RBFOX1: variants seen among roughly 807,000 people sequenced by gnomAD.
The protein encoded by RBFOX1 is RNA binding protein fox-1 homolog 1.
A neutral mutation model predicts 57.7 loss-of-function variants in RBFOX1; 8 were observed. The ratio of observed to expected loss-of-function variants is 0.14; its 90% CI spans 0.08 to 0.25. RBFOX1 has a LOEUF of 0.25. Among genes scored for constraint, RBFOX1 ranks in the 10% least tolerant of loss-of-function variants. RBFOX1 has a pLI of 1.00. For synonymous variants in RBFOX1, 326 were observed against 222.4 expected (o/e 1.47, Z -4.15); for missense variants, 611 against 548.5 (o/e 1.11, Z -1.14).
intron 4 of RBFOX1, among the ~76,000 whole-genome samples, chr16:7,315,507 T>A (rs1448420572): frequency 6.6e-6 from 1 of 150,434 alleles, no homozygotes; most frequent in African/African-American, 2.4e-5. Context: ...TGTGAAAGTT[T>A]TAGCTATCTG....
At chr16:5,573,730 G>A (rs1187679730) in intron 2 of RBFOX1, among the ~76,000 whole-genome samples, 1 of 152,150 alleles carries the variant, frequency 6.6e-6, no homozygotes, top group African/African-American at 2.4e-5. Flanking sequence ...GGGAGGCCGA[G>A]GTGGGAGGAT....
intron 1 of RBFOX1, among the ~76,000 whole-genome samples, chr16:5,262,651 C>G (rs2062763989): frequency 6.6e-6 from 1 of 152,150 alleles, no homozygotes; most frequent in East Asian, 1.9e-4. Flanking sequence ...TATCTCTCTG[C>G]TCTTTCTCTG....
chr16:6,328,958 A>G (rs1335070567), intron 2 of RBFOX1, among the ~76,000 whole-genome samples: 1 of 152,174 alleles, frequency 6.6e-6, no homozygotes, highest in Non-Finnish European at 1.5e-5. Context: ...TCAGATGTCT[A>G]TGTGAAAGAA....
intron 14 of RBFOX1, among the ~76,000 whole-genome samples, chr16:7,704,454 G>A (rs1381314315): frequency 6.6e-6 from 1 of 152,158 alleles, no homozygotes; most frequent in African/African-American, 2.4e-5. Flanking sequence ...GAATGTGTCT[G>A]GGAGCAGCTG....
chr16:6,544,052 T>C (rs988019049), intron 2 of RBFOX1, among the ~76,000 whole-genome samples: 1 of 152,234 alleles, frequency 6.6e-6, no homozygotes, highest in African/African-American at 2.4e-5. Context: ...GATGCTCTTC[T>C]AGGTGTCTGT....
chr16:6,577,043 C>T (rs1003677434), intron 2 of RBFOX1: 1 of 152,172 alleles, frequency 6.6e-6, no homozygotes, highest in Non-Finnish European at 1.5e-5. Context: ...CAGGACTGTT[C>T]CCCCAAAACT....
chr16:5,437,653 T>A (rs943080820), intron 1 of RBFOX1, among the ~76,000 whole-genome samples: 4 of 152,178 alleles, frequency 2.6e-5, no homozygotes, highest in Admixed American at 2.6e-4. Context: ...TAAGACACAA[T>A]ATTACATATG....
At chr16:6,849,158 A>G (rs1031273843) in intron 3 of RBFOX1, among the ~76,000 whole-genome samples, 1 of 152,186 alleles carries the variant, frequency 6.6e-6, no homozygotes, top group Non-Finnish European at 1.5e-5. Context: ...AAAGGAACCA[A>G]GTAACTTGCT....
intron 2 of RBFOX1, among the ~76,000 whole-genome samples, chr16:6,327,121 T>C (rs1412765387): frequency 6.6e-6 from 1 of 152,166 alleles, no homozygotes; most frequent in Non-Finnish European, 1.5e-5. Flanking sequence ...CCTTCTCCAC[T>C]TTCCTCTGCA....
At chr16:6,505,642 T>G (rs999026906) in intron 2 of RBFOX1, among the ~76,000 whole-genome samples, 4 of 152,152 alleles carry the variant, frequency 2.6e-5, no homozygotes, top group Non-Finnish European at 2.9e-5. Flanking sequence ...CCTCAAGAAC[T>G]CTACTCATTT....
intron 4 of RBFOX1, among the ~76,000 whole-genome samples, chr16:7,472,508 T>C (rs886714867): frequency 5.3e-5 from 8 of 152,226 alleles, no homozygotes; most frequent in African/African-American, 1.7e-4. Context: ...TATTCTGATA[T>C]GAAAATCTTT....
intron 3 of RBFOX1, among the ~76,000 whole-genome samples, chr16:6,798,683 CTAAT>C (rs1192376236): frequency 6.6e-6 from 1 of 152,144 alleles, no homozygotes; most frequent in African/African-American, 2.4e-5. Flanking sequence ...GTGCTTTTCA[CTAAT>C]TAAGTTGTTT....
At chr16:7,387,622 A>C (rs560914358) in intron 4 of RBFOX1, among the ~76,000 whole-genome samples, 159 of 152,278 alleles carry the variant, frequency 1.0e-3, no homozygotes, top group African/African-American at 3.7e-3. Flanking sequence ...AAGCATTGCA[A>C]AAGCCGCTGT....
chr16:7,052,856 A>G (rs115146505), intron 4 of RBFOX1, among the ~76,000 whole-genome samples: 6 of 152,152 alleles, frequency 3.9e-5, no homozygotes, highest in African/African-American at 1.4e-4. Flanking sequence ...TGAGATTTAG[A>G]TTATGATTGG....
chr16:7,253,081 A>G (rs936713920), intron 4 of RBFOX1, among the ~76,000 whole-genome samples: 2 of 152,210 alleles, frequency 1.3e-5, no homozygotes, highest in African/African-American at 4.8e-5. Flanking sequence ...AATTACCTTT[A>G]AACACAGCAT....
chr16:7,222,956 G>A lies in RBFOX1; in HGVS notation c.27+170858G>A, dbSNP rs192830959. 2.6e-4 allele frequency among the ~76,000 whole-genome samples: 39 copies of A among 152,164 alleles called. No homozygotes were observed. In the East Asian group the frequency reaches 3.7e-3, roughly 14 times the overall value. On this transcript the variant is annotated intron_variant, in intron 4 of 15. Transcript: ENST00000550418. ...TGCAGCGATTTTTTTTTCTTTGAGC[G>A]TCCCTTGTTGTGCAGCATAAACATC... is the stretch of plus-strand genomic sequence containing the variant.
rs1201674197 is a variant in RBFOX1 at position 6,644,255 on chromosome 16, CATCCAAA to C, written c.-63-10347_-63-10341del. 3.9e-5 allele frequency among the ~76,000 whole-genome samples: 6 copies of C among 152,310 alleles called. No homozygotes were observed. The East Asian group carries it at 1.2e-3, about 29-fold the overall frequency. The stretch of plus-strand genomic sequence containing the variant: ...CACAACAATAGGCAATGTAAGCATG[CATCCAAA>C]CTATCAGAAAGCTTGCCTTTGCAAA... On this transcript the variant is annotated intron_variant, in intron 2 of 15. Coordinates refer to ENST00000550418, the MANE Select transcript of RBFOX1 (RefSeq NM_018723.4).
chr16:6,353,829 A>G (rs1173664714), intron 2 of RBFOX1, among the ~76,000 whole-genome samples: 3 of 152,320 alleles, frequency 2.0e-5, no homozygotes, highest in East Asian at 1.9e-4. Flanking sequence ...GGCACAGTCC[A>G]CATGACACGT....
chr16:7,369,714 C>T (rs2097533435), intron 4 of RBFOX1, among the ~76,000 whole-genome samples: 3 of 152,138 alleles, frequency 2.0e-5, no homozygotes, highest in Non-Finnish European at 4.4e-5. Context: ...GTCTGATTAG[C>T]AATAGCATAC....
Sources: gnomAD v4.1 joint callset for allele counts (sites outside exome capture counted in the v4.1 genomes callset) on GRCh38, gnomAD v4.1.1 for gene constraint, MANE v1.5 for transcripts, NCBI Gene and HGNC (gene_info 2026-07-23, HGNC 2026-07-21) for gene names.